Variants in BCAS4 observed in about 807,000 individuals in gnomAD.
BCAS4 encodes breast carcinoma-amplified sequence 4.
BCAS4 carries 9 observed loss-of-function variants against 15.7 expected under a neutral mutation model. The ratio of observed to expected loss-of-function variants is 0.57; its 90% CI spans 0.34 to 1.00. The LOEUF is 1.00. Ranked by LOEUF, BCAS4 falls within the 50% of genes least tolerant of loss-of-function variation. The probability of loss-of-function intolerance (pLI) is 0.02; values close to 1 mark genes in which losing one functional copy is unlikely to be tolerated. For synonymous variants in BCAS4, 101 were observed against 99.5 expected (o/e 1.02, Z -0.09); for missense variants, 225 against 239.1 (o/e 0.94, Z 0.39).
intron 2 of BCAS4, among the ~76,000 whole-genome samples, chr20:50,822,640 T>G (rs2088230119): frequency 1.3e-5 from 2 of 151,748 alleles, no homozygotes; most frequent in East Asian, 3.9e-4. Flanking sequence ...TTACAGGTTT[T>G]TTTTTTTTTT....
chr20:50,819,418 G>T (rs910652073), intron 2 of BCAS4, among the ~76,000 whole-genome samples: 1 of 152,092 alleles, frequency 6.6e-6, no homozygotes, highest in African/African-American at 2.4e-5. Context: ...TGGCCACCTG[G>T]GCCCAGTGGT....
chr20:50,813,700 G>C (rs1189131570), intron 1 of BCAS4, among the ~76,000 whole-genome samples: 2 of 16,992 alleles, frequency 1.2e-4, no homozygotes, highest in South Asian at 1.6e-3. Flanking sequence ...TTTTTTTTTT[G>C]TGCCAGCCCC....
intron 4 of BCAS4, 79 bp from the exon 5 acceptor site, chr20:50,876,407 A>G: frequency 6.4e-7 from 1 of 1,563,434 alleles, no homozygotes; most frequent in Non-Finnish European, 8.7e-7. Context: ...TGCAGGATGA[A>G]CTTGTAGACC....
chr20:50,828,502 A>G (rs554936306), intron 2 of BCAS4, among the ~76,000 whole-genome samples: 26 of 152,302 alleles, frequency 1.7e-4, no homozygotes, highest in African/African-American at 6.0e-4. Flanking sequence ...ATCTGGGGCC[A>G]GGAGTGCTGA....
chr20:50,882,145 T>G (rs1980128557), downstream of BCAS4: 1 of 143,790 alleles, frequency 7.0e-6, no homozygotes, highest in Admixed American at 7.2e-5. Context: ...ATCATGCCAC[T>G]GCACTCCAGC....
chr20:50,857,162 G>C (rs181014782), intron 4 of BCAS4, among the ~76,000 whole-genome samples: 6 of 152,160 alleles, frequency 3.9e-5, no homozygotes, highest in African/African-American at 7.2e-5. Flanking sequence ...ACAGAGTTTC[G>C]CTCTTGTTGC....
rs190075387 is a variant in BCAS4 at position 50,858,556 on chromosome 20, C to T, written c.399+16656C>T. ...GCCAGAGGTTGCAGTGAGCCAAGATCGCGCCATTGTGCTCCAGCCTGGGTG... is the reference window on the plus strand; with the variant it reads ...GCCAGAGGTTGCAGTGAGCCAAGATTGCGCCATTGTGCTCCAGCCTGGGTG... On this transcript the variant is annotated intron_variant, in intron 4 of 4. Coordinates refer to ENST00000371608, the MANE Select transcript of BCAS4 (RefSeq NM_198799.4). Among the ~76,000 whole-genome samples the T allele has an allele frequency of 2.5e-3, 373 of 152,110 alleles. 1 individual carries two copies. The highest frequency in any genetic ancestry group is 5.7e-3 in the African/African-American group (236 of 41,502).
downstream of BCAS4, chr20:50,880,690 G>A (rs1980103119): frequency 6.6e-6 from 1 of 152,146 alleles, no homozygotes; most frequent in Admixed American, 6.5e-5. Flanking sequence ...TTCTTCCCAA[G>A]AGCAAGGCTC....
chr20:50,835,448 G>A (rs2088396962), intron 3 of BCAS4, among the ~76,000 whole-genome samples: 2 of 152,146 alleles, frequency 1.3e-5, no homozygotes, highest in African/African-American at 4.8e-5. Context: ...GTTTCACCAT[G>A]TTGGCCAGGA....
chr20:50,806,862 CTTTTTTTTTT>C (rs34670373), intron 1 of BCAS4, among the ~76,000 whole-genome samples: 3 of 83,356 alleles, frequency 3.6e-5, no homozygotes, highest in African/African-American at 1.2e-4. Context: ...TCCATTTATA[CTTTTTTTTTT>C]TTTTTTTTTT....
intron 4 of BCAS4, among the ~76,000 whole-genome samples, chr20:50,863,687 T>C (rs534598873): frequency 6.6e-6 from 1 of 152,218 alleles, no homozygotes; most frequent in African/African-American, 2.4e-5. Flanking sequence ...GTGACAGCAG[T>C]TGGTGGCCGG....
chr20:50,846,984 CGGGCA>C (rs2088554010), intron 4 of BCAS4, among the ~76,000 whole-genome samples: 1 of 152,000 alleles, frequency 6.6e-6, no homozygotes, highest in South Asian at 2.1e-4. Flanking sequence ...TGAGCCGGCA[CGGGCA>C]GGTTCATGAG....
chr20:50,866,487 C>T (rs1341892999), intron 4 of BCAS4, among the ~76,000 whole-genome samples: 3 of 152,224 alleles, frequency 2.0e-5, no homozygotes, highest in African/African-American at 7.2e-5. Flanking sequence ...GGCCAGATAG[C>T]TCAGTTTTTC....
intron 3 of BCAS4, among the ~76,000 whole-genome samples, chr20:50,831,479 C>A (rs1252934804): frequency 1.3e-5 from 2 of 152,164 alleles, no homozygotes; most frequent in African/African-American, 4.8e-5. Flanking sequence ...GCTCTCCAGT[C>A]TTCCACAGTC....
intron 3 of BCAS4, among the ~76,000 whole-genome samples, chr20:50,831,665 A>G (rs1172922087): frequency 6.6e-6 from 1 of 152,156 alleles, no homozygotes; most frequent in Non-Finnish European, 1.5e-5. Flanking sequence ...CTGGGGTCAC[A>G]CTAGTTACAT....
intron 2 of BCAS4, among the ~76,000 whole-genome samples, chr20:50,828,876 C>G (rs78812139): frequency 6.6e-6 from 1 of 152,220 alleles, no homozygotes; most frequent in African/African-American, 2.4e-5. Flanking sequence ...CCACGGGGGG[C>G]ACATCAGAAG....
intron 2 of BCAS4, among the ~76,000 whole-genome samples, chr20:50,823,825 TG>T (rs2088245645): frequency 6.6e-6 from 1 of 152,010 alleles, no homozygotes; most frequent in African/African-American, 2.4e-5. Context: ...GGAGGCCTTA[TG>T]GGGTGATGAA....
In BCAS4 at chr20:50,810,449, T is replaced by C. The variant is rs537281447; in HGVS notation, c.91-7762T>C. On this transcript the variant is annotated intron_variant, in intron 1 of 4. Coordinates refer to ENST00000371608, the MANE Select transcript of BCAS4 (RefSeq NM_198799.4). The stretch of plus-strand genomic sequence containing the variant: ...CCAACTTTGAAACACAAGTACCTAT[T>C]AGTTGCCAGACTTTGTTCTAGGCTC... 2.0e-5 allele frequency among the ~76,000 whole-genome samples: 3 copies of C among 152,226 alleles called. No individual in the cohort carries two copies. In the South Asian group the frequency reaches 6.2e-4, roughly 32 times the overall value.
intron 1 of BCAS4, among the ~76,000 whole-genome samples, chr20:50,814,039 TAG>T (rs2088106068): frequency 6.6e-6 from 1 of 152,152 alleles, no homozygotes; most frequent in Non-Finnish European, 1.5e-5. Context: ...TGAGGCCACT[TAG>T]GGGATAATCT....
Sources: allele counts gnomAD v4.1 joint callset (sites outside exome capture counted in the v4.1 genomes callset), GRCh38; gene constraint gnomAD v4.1.1; transcripts MANE v1.5; gene names NCBI Gene and HGNC (gene_info 2026-07-23, HGNC 2026-07-21).